EXOC6B: variants seen among roughly 807,000 people sequenced by gnomAD.
EXOC6B encodes the protein SEC15 homolog B.
In EXOC6B, 54 loss-of-function variants were observed where a neutral mutation model predicts 113.5. The ratio of observed to expected loss-of-function variants is 0.48; its 90% CI spans 0.38 to 0.60. The LOEUF (loss-of-function observed/expected upper bound fraction) is 0.60. Ranked by LOEUF, EXOC6B falls within the 20% of genes least tolerant of loss-of-function variation. The probability of loss-of-function intolerance (pLI) is 0.00; values close to 1 mark genes in which losing one functional copy is unlikely to be tolerated. For synonymous variants in EXOC6B, 357 were observed against 339.0 expected (o/e 1.05, Z -0.58); for missense variants, 797 against 977.5 (o/e 0.82, Z 2.46).
At position 72,542,789 on chromosome 2, in the gene EXOC6B, A is replaced by G. The variant is rs78063434; in HGVS notation, c.915+16664T>C. ...TATCCCCATCATGACATTCAAAACT[A>G]TTGGGACAAATATTAAACCAGGTAA... On this transcript the variant is annotated intron_variant, in intron 8 of 21. Coordinates refer to ENST00000272427, the MANE Select transcript of EXOC6B (RefSeq NM_015189.3). Among the ~76,000 whole-genome samples, 902 of 152,304 alleles carry G rather than the reference A, an allele frequency of 5.9e-3. 20 individuals are homozygous for G. Among genetic ancestry groups the G allele is most frequent in the African/African-American group, 0.021 (868 of 41,576 alleles).
intron 20 of EXOC6B, among the ~76,000 whole-genome samples, chr2:72,218,669 T>G (rs1680682407): frequency 6.6e-6 from 1 of 152,094 alleles, no homozygotes; most frequent in East Asian, 1.9e-4. Flanking sequence ...CCATTTCTTT[T>G]TTTGTTTGTT....
chr2:72,199,960 G>A (rs747958920), intron 20 of EXOC6B, among the ~76,000 whole-genome samples: 1 of 152,056 alleles, frequency 6.6e-6, no homozygotes, highest in African/African-American at 2.4e-5. Context: ...GCAACGGCAC[G>A]ATCTCGGCTC....
intron 1 of EXOC6B, among the ~76,000 whole-genome samples, chr2:72,795,363 T>C (rs1241588048): frequency 6.6e-6 from 1 of 152,158 alleles, no homozygotes; most frequent in Non-Finnish European, 1.5e-5. Context: ...AACAAGTTTC[T>C]AAACAAGTGA....
chr2:72,804,386 A>G (rs2105096106), intron 1 of EXOC6B, among the ~76,000 whole-genome samples: 1 of 152,294 alleles, frequency 6.6e-6, no homozygotes, highest in South Asian at 2.1e-4. Flanking sequence ...AAAATGACGG[A>G]TCTGCTTATT....
intron 6 of EXOC6B, among the ~76,000 whole-genome samples, chr2:72,651,911 T>G (rs1405113537): frequency 6.6e-6 from 1 of 152,080 alleles, no homozygotes; most frequent in African/African-American, 2.4e-5. Flanking sequence ...GATTTAGACA[T>G]CCATTCGATT....
intron 1 of EXOC6B, among the ~76,000 whole-genome samples, chr2:72,783,781 T>C (rs1387153232): frequency 6.6e-6 from 1 of 152,204 alleles, no homozygotes; most frequent in Non-Finnish European, 1.5e-5. Context: ...AAATATTTTC[T>C]CCCACTCAAC....
chr2:72,427,546 C>T (rs1039570622), intron 18 of EXOC6B, among the ~76,000 whole-genome samples: 8 of 152,346 alleles, frequency 5.3e-5, no homozygotes, highest in African/African-American at 1.2e-4. Context: ...AGCACTGACA[C>T]GCCAGCCCCC....
At chr2:72,505,300 A>G (rs1000093612) in intron 11 of EXOC6B, among the ~76,000 whole-genome samples, 1 of 152,160 alleles carries the variant, frequency 6.6e-6, no homozygotes, top group Non-Finnish European at 1.5e-5. Context: ...CAGCTGTCCC[A>G]TTGCTATTCA....
chr2:72,360,584 C>A (rs866360196), intron 19 of EXOC6B, among the ~76,000 whole-genome samples: 19 of 152,070 alleles, frequency 1.2e-4, no homozygotes, highest in African/African-American at 3.9e-4. Context: ...GCCATGTGAT[C>A]GCTTTTAACA....
chr2:72,753,683 T>C (rs1433766068), intron 1 of EXOC6B, among the ~76,000 whole-genome samples: 1 of 152,172 alleles, frequency 6.6e-6, no homozygotes, highest in Non-Finnish European at 1.5e-5. Flanking sequence ...CCAAAGTCCC[T>C]AGCATAGTAT....
At chr2:72,423,615 A>T (rs1695033470) in intron 18 of EXOC6B, among the ~76,000 whole-genome samples, 2 of 152,184 alleles carry the variant, frequency 1.3e-5, no homozygotes, top group African/African-American at 4.8e-5. Context: ...CTTTTACATA[A>T]CTGCTTTAGC....
intron 16 of EXOC6B, among the ~76,000 whole-genome samples, chr2:72,488,138 T>C (rs1036049650): frequency 1.3e-5 from 2 of 152,212 alleles, no homozygotes; most frequent in Non-Finnish European, 2.9e-5. Flanking sequence ...TTCTTCACCT[T>C]CTTTTTATCA....
rs867181746 is a variant in EXOC6B at position 72,323,664 on chromosome 2, G to C, written c.2196+11283C>G. 5.9e-5 allele frequency among the ~76,000 whole-genome samples: 9 copies of C among 152,192 alleles called. 1 individual carries two copies. The highest frequency in any genetic ancestry group is 3.4e-3 in the Middle Eastern group (1 of 294). On this transcript the variant is annotated intron_variant, in intron 20 of 21. Transcript: ENST00000272427. ...GGAATACTATATAGCCATAAAAAAG[G>C]ATGAGTTCATGTCCTTTGCAGGGAC...
Position 72,184,153 on chromosome 2 carries a change from G to A in EXOC6B, c.2231C>T (p.Thr744Ile), listed in dbSNP as rs1361812126. The A allele has an allele frequency of 1.3e-6, 2 of 1,559,950 alleles. No homozygotes were observed. The highest frequency in any genetic ancestry group is 1.7e-6 in the Non-Finnish European group (2 of 1,151,214). ...LDLFIQWDWS[T>I]YLADYGQPNC... ...GGGCTGACCATAGTCAGCAAGGTAG[G>A]TTGACCAATCCCACTGGATGAAAAG... Residue 744 changes from threonine (T) to isoleucine (I), a missense_variant, in exon 21 of 22, where the codon ACC (threonine) becomes ATC (isoleucine). Coordinates refer to ENST00000272427, the MANE Select transcript of EXOC6B (RefSeq NM_015189.3).
At chr2:72,239,186 T>C (rs1278956747) in intron 20 of EXOC6B, among the ~76,000 whole-genome samples, 1 of 152,230 alleles carries the variant, frequency 6.6e-6, no homozygotes, top group African/African-American at 2.4e-5. Flanking sequence ...CCACTGTGCG[T>C]GGCGTGTTTT....
intron 7 of EXOC6B, among the ~76,000 whole-genome samples, chr2:72,568,080 A>T (rs765484409): frequency 6.6e-6 from 1 of 151,980 alleles, no homozygotes; most frequent in Non-Finnish European, 1.5e-5. Flanking sequence ...AGTGAACACC[A>T]TCTTAACCAA....
At chr2:72,587,065 TA>T (rs1705635388) in intron 6 of EXOC6B, among the ~76,000 whole-genome samples, 1 of 152,144 alleles carries the variant, frequency 6.6e-6, no homozygotes, top group East Asian at 1.9e-4. Context: ...TTATTGGGTA[TA>T]TATCCAAAAG....
At chr2:72,356,907 GAGC>G (rs1689998881) in intron 19 of EXOC6B, among the ~76,000 whole-genome samples, 1 of 152,156 alleles carries the variant, frequency 6.6e-6, no homozygotes, top group Non-Finnish European at 1.5e-5. Context: ...CATACTAAGA[GAGC>G]AGAACTGAGA....
At chr2:72,250,551 C>T (rs886196038) in intron 20 of EXOC6B, among the ~76,000 whole-genome samples, 1 of 151,732 alleles carries the variant, frequency 6.6e-6, no homozygotes, top group Non-Finnish European at 1.5e-5. Context: ...GCCATGTTGC[C>T]CAGGCTGGTC....
Sources: allele counts gnomAD v4.1 joint callset (sites outside exome capture counted in the v4.1 genomes callset), GRCh38; gene constraint gnomAD v4.1.1; transcripts MANE v1.5; gene names NCBI Gene and HGNC (gene_info 2026-07-23, HGNC 2026-07-21).